NFIA: variants seen among roughly 807,000 people sequenced by gnomAD.
NFIA encodes the protein nuclear factor 1 A-type.
A neutral mutation model predicts 62.8 loss-of-function variants in NFIA; 8 were observed. The observed-to-expected ratio is 0.13, with a 90% CI of 0.07 to 0.23. The LOEUF (loss-of-function observed/expected upper bound fraction) is 0.23. NFIA is among the 10% of genes least tolerant of loss of function. The pLI is 1.00. For missense variants in NFIA, 410 were observed against 642.1 expected (o/e 0.64, Z 3.91); for synonymous variants, 235 against 238.1 (o/e 0.99, Z 0.12).
At chr1:61,355,006 A>T (rs556583036) in intron 5 of NFIA, among the ~76,000 whole-genome samples, 7 of 144,804 alleles carry the variant, frequency 4.8e-5, no homozygotes, top group African/African-American at 1.8e-4. Context: ...TCCTATGAAC[A>T]CTCAGGAAAG....
chr1:61,441,894 T>C (rs762713036), intron 10 of NFIA, among the ~76,000 whole-genome samples: 1 of 150,512 alleles, frequency 6.6e-6, no homozygotes, highest in African/African-American at 2.4e-5. Context: ...ACCACCCCCC[T>C]GTTAACGTCA....
chr1:61,420,472 G>A (rs1666564517), intron 9 of NFIA, among the ~76,000 whole-genome samples: 1 of 151,868 alleles, frequency 6.6e-6, no homozygotes, highest in South Asian at 2.1e-4. Flanking sequence ...GTTTGCAACT[G>A]AATGCTTCTT....
intron 2 of NFIA, among the ~76,000 whole-genome samples, chr1:61,192,201 G>T (rs141697862): frequency 0.017 from 2,525 of 152,140 alleles, 71 homozygotes; most frequent in African/African-American, 0.059. Flanking sequence ...CTTGTAATCC[G>T]CCCGCCTTGG....
intron 3 of NFIA, among the ~76,000 whole-genome samples, chr1:61,291,733 A>C (rs1277855121): frequency 6.6e-6 from 1 of 152,124 alleles, no homozygotes. Flanking sequence ...AATAATTTGT[A>C]TTGTTAGGTT....
At chr1:61,423,427 A>C (rs774807328) in intron 9 of NFIA, among the ~76,000 whole-genome samples, 4 of 152,198 alleles carry the variant, frequency 2.6e-5, no homozygotes, top group Non-Finnish European at 5.9e-5. Context: ...ATGCCCAAAA[A>C]TGTCCTACAA....
intron 4 of NFIA, among the ~76,000 whole-genome samples, chr1:61,339,100 G>T (rs953154019): frequency 6.6e-6 from 1 of 152,158 alleles, no homozygotes; most frequent in African/African-American, 2.4e-5. Context: ...CTATGTGCTC[G>T]ATCAATATCC....
At chr1:61,373,297 A>G (rs914345396) in intron 6 of NFIA, among the ~76,000 whole-genome samples, 3 of 152,220 alleles carry the variant, frequency 2.0e-5, no homozygotes, top group Non-Finnish European at 4.4e-5. Context: ...AATGCTGACA[A>G]CACGAAGCCT....
chr1:61,404,926 T>C (rs1339733387), intron 8 of NFIA, among the ~76,000 whole-genome samples: 1 of 152,222 alleles, frequency 6.6e-6, no homozygotes, highest in Non-Finnish European at 1.5e-5. Flanking sequence ...GCATTCCAAA[T>C]GTAAAAGTGA....
chr1:61,394,968 G>T (rs554102909), intron 7 of NFIA, among the ~76,000 whole-genome samples: 1 of 152,246 alleles, frequency 6.6e-6, no homozygotes, highest in African/African-American at 2.4e-5. Flanking sequence ...TTAGCCGAGC[G>T]TGGTGGCACA....
At chr1:61,407,371 A>G (rs1286019964) in intron 9 of NFIA, among the ~76,000 whole-genome samples, 1 of 152,188 alleles carries the variant, frequency 6.6e-6, no homozygotes, top group Non-Finnish European at 1.5e-5. Context: ...GAACAGTCTG[A>G]GAACATTTAA....
chr1:61,154,090 G>C (rs1229297120), intron 2 of NFIA, among the ~76,000 whole-genome samples: 1 of 152,166 alleles, frequency 6.6e-6, no homozygotes, highest in Non-Finnish European at 1.5e-5. Flanking sequence ...CTTTAACTCA[G>C]ACTGTTGGTG....
At chr1:61,127,243 G>T (rs1646991833) in intron 2 of NFIA, among the ~76,000 whole-genome samples, 1 of 151,522 alleles carries the variant, frequency 6.6e-6, no homozygotes, top group Admixed American at 6.6e-5. Context: ...GGATCGCGAG[G>T]TCAGGAGATC....
At chr1:61,384,757 A>G (rs1444516481) in intron 7 of NFIA, among the ~76,000 whole-genome samples, 1 of 152,148 alleles carries the variant, frequency 6.6e-6, no homozygotes, top group African/African-American at 2.4e-5. Context: ...AACATATTCT[A>G]AATGCTAACT....
intron 2 of NFIA, among the ~76,000 whole-genome samples, chr1:61,232,520 T>C (rs1187476473): frequency 6.6e-6 from 1 of 152,178 alleles, no homozygotes; most frequent in Non-Finnish European, 1.5e-5. Context: ...CTGTACCACA[T>C]CATCCAGTAT....
At chr1:61,344,875 A>C (rs560139028) in intron 4 of NFIA, among the ~76,000 whole-genome samples, 98 of 152,330 alleles carry the variant, frequency 6.4e-4, no homozygotes, top group African/African-American at 2.3e-3. Context: ...TCTTTCCAAC[A>C]ATGCAAGCCT....
At chr1:61,350,147 T>G (rs895830921) in intron 4 of NFIA, among the ~76,000 whole-genome samples, 2 of 152,210 alleles carry the variant, frequency 1.3e-5, no homozygotes, top group Non-Finnish European at 2.9e-5. Context: ...GGTCCTTCTT[T>G]GACTATTGAA....
chr1:61,348,508 G>C (rs1662369535), intron 4 of NFIA, among the ~76,000 whole-genome samples: 1 of 152,170 alleles, frequency 6.6e-6, no homozygotes, highest in African/African-American at 2.4e-5. Flanking sequence ...TACAATTCCA[G>C]TGTACTTAAG....
chr1:61,455,290 T>C lies in NFIA; in HGVS notation c.1513-13T>C. The stretch of plus-strand genomic sequence containing the variant: ...ATTGTGATTTTAATTGTATTTTTCC[T>C]TTTGTCTTCCAGTCCTGGTACCTGG... On this transcript the variant is annotated splice_polypyrimidine_tract_variant and intron_variant, in intron 10 of 10. Transcript: ENST00000403491. 1 of 1,613,494 alleles carries C rather than the reference T, an allele frequency of 6.2e-7. No individual in the cohort carries two copies. The highest frequency in any genetic ancestry group is 8.5e-7 in the Non-Finnish European group (1 of 1,179,826).
At chr1:61,392,660 A>G (rs1056325685) in intron 7 of NFIA, among the ~76,000 whole-genome samples, 4 of 152,194 alleles carry the variant, frequency 2.6e-5, no homozygotes, top group African/African-American at 9.6e-5. Context: ...TGCTGGGTTA[A>G]TTTGTCATCC....
Sources: gnomAD v4.1 joint callset for allele counts (sites outside exome capture counted in the v4.1 genomes callset) on GRCh38, gnomAD v4.1.1 for gene constraint, MANE v1.5 for transcripts, NCBI Gene and HGNC (gene_info 2026-07-23, HGNC 2026-07-21) for gene names.